CALD1: variants seen among roughly 807,000 people sequenced by gnomAD.
The protein encoded by CALD1 is caldesmon.
A neutral mutation model predicts 99.9 loss-of-function variants in CALD1; 33 were observed. The ratio of observed to expected loss-of-function variants is 0.33; its 90% CI spans 0.25 to 0.44. The LOEUF (loss-of-function observed/expected upper bound fraction) is 0.44. Among genes scored for constraint, CALD1 ranks in the 20% least tolerant of loss-of-function variants. The pLI, the probability that CALD1 is intolerant of heterozygous loss-of-function variation, is 1.00. For synonymous variants in CALD1, 310 were observed against 325.0 expected (o/e 0.95, Z 0.50); for missense variants, 861 against 962.1 (o/e 0.89, Z 1.39).
chr7:134,717,043 T>C, the CALD1 span, among the ~76,000 whole-genome samples: 1 of 152,234 alleles, frequency 6.6e-6, no homozygotes, highest in African/African-American at 2.4e-5. Context: ...GTCTATAATA[T>C]ATTTAATTTT....
upstream of CALD1, chr7:134,779,422 T>C: frequency 2.7e-6 from 1 of 367,378 alleles, no homozygotes; most frequent in Non-Finnish European, 4.8e-6. Flanking sequence ...TGATGAGTGA[T>C]TTCCTGAGCA....
At chr7:134,787,502 T>C (rs1429087478) in intron 1 of CALD1, among the ~76,000 whole-genome samples, 1 of 152,144 alleles carries the variant, frequency 6.6e-6, no homozygotes, top group East Asian at 1.9e-4. Context: ...GCACAAATCC[T>C]GAAGAGGGGA....
At chr7:134,726,329 T>C in the CALD1 span, among the ~76,000 whole-genome samples, 1 of 147,848 alleles carries the variant, frequency 6.8e-6, no homozygotes, top group Non-Finnish European at 1.5e-5. Context: ...TATATTAGCA[T>C]ATATAATCTT....
At chr7:134,759,137 A>T (rs1353813986) in intron 1 of CALD1, among the ~76,000 whole-genome samples, 1 of 152,244 alleles carries the variant, frequency 6.6e-6, no homozygotes, top group African/African-American at 2.4e-5. Context: ...TACTCAGAAC[A>T]AGTTAAACCT....
At chr7:134,832,010 CT>C (rs1563031150) in intron 1 of CALD1, among the ~76,000 whole-genome samples, 1 of 152,228 alleles carries the variant, frequency 6.6e-6, no homozygotes, top group Admixed American at 6.5e-5. Context: ...GATCCTAGGA[CT>C]TTTATAAGCC....
chr7:134,939,090 C>T (rs1159549225), intron 6 of CALD1, among the ~76,000 whole-genome samples: 1 of 152,186 alleles, frequency 6.6e-6, no homozygotes, highest in Non-Finnish European at 1.5e-5. Context: ...ACATAAACTC[C>T]AGTCCATGGT....
chr7:134,725,616 A>C, the CALD1 span, among the ~76,000 whole-genome samples: 1 of 152,220 alleles, frequency 6.6e-6, no homozygotes, highest in Non-Finnish European at 1.5e-5. Context: ...GAAAGGATCA[A>C]TTTATTTCCA....
chr7:134,935,606 C>A, intron 5 of CALD1, 82 bp from the exon 6 acceptor site: 2 of 1,517,562 alleles, frequency 1.3e-6, no homozygotes, highest in Non-Finnish European at 8.8e-7. Flanking sequence ...ACTTGCAAGG[C>A]GATCCGAGCA....
chr7:134,884,869 A>C (rs758379922), intron 3 of CALD1, among the ~76,000 whole-genome samples: 4 of 152,176 alleles, frequency 2.6e-5, no homozygotes, highest in Non-Finnish European at 5.9e-5. Context: ...GGTAAAAACA[A>C]GTATATACAC....
intron 3 of CALD1, among the ~76,000 whole-genome samples, chr7:134,923,353 TA>T (rs1466273129): frequency 6.6e-6 from 1 of 152,210 alleles, no homozygotes; most frequent in African/African-American, 2.4e-5. Context: ...CCAGTTTTTT[TA>T]AAAAATAGAT....
chr7:134,950,596 G>A, intron 9 of CALD1, 82 bp downstream of exon 9: 3 of 1,103,034 alleles, frequency 2.7e-6, no homozygotes, highest in Non-Finnish European at 4.0e-6. Context: ...GATTATACAG[G>A]GCCTTTGTTC....
At chr7:134,916,382 C>T (rs1311845800) in intron 3 of CALD1, among the ~76,000 whole-genome samples, 1 of 152,038 alleles carries the variant, frequency 6.6e-6, no homozygotes, top group African/African-American at 2.4e-5. Context: ...GGAAAGGAGC[C>T]CTGGGAAGGA....
intron 3 of CALD1, among the ~76,000 whole-genome samples, chr7:134,877,948 G>GATGCA (rs1801424734): frequency 2.0e-5 from 3 of 151,974 alleles, no homozygotes; most frequent in Admixed American, 6.6e-5. Context: ...TGCATACAAA[G>GATGCA]TAATCCTATG....
the CALD1 span, among the ~76,000 whole-genome samples, chr7:134,725,278 C>T: frequency 6.6e-6 from 1 of 152,210 alleles, no homozygotes; most frequent in Non-Finnish European, 1.5e-5. Context: ...AGTGATATCT[C>T]TCCTCAGGCC....
intron 3 of CALD1, among the ~76,000 whole-genome samples, chr7:134,875,917 G>A (rs1801328317): frequency 1.3e-5 from 2 of 152,200 alleles, no homozygotes; most frequent in African/African-American, 2.4e-5. Context: ...AAAGAAGGCT[G>A]TTGATATGAC....
intron 13 of CALD1, chr7:134,963,033 T>C (rs1346273398): frequency 7.6e-6 from 3 of 394,594 alleles, no homozygotes; most frequent in African/African-American, 2.1e-5. Context: ...TTAAGTGATC[T>C]TGAAAGATTC....
intron 3 of CALD1, among the ~76,000 whole-genome samples, chr7:134,903,300 G>C (rs1411159227): frequency 2.0e-5 from 3 of 152,060 alleles, no homozygotes; most frequent in African/African-American, 7.3e-5. Flanking sequence ...GACTTTGGGT[G>C]ATACTGATGT....
intron 1 of CALD1, among the ~76,000 whole-genome samples, chr7:134,753,043 A>C (rs1167969206): frequency 6.6e-6 from 1 of 151,958 alleles, no homozygotes; most frequent in Non-Finnish European, 1.5e-5. Flanking sequence ...CAAAAAAAAA[A>C]AACACTTTTC....
At chr7:134,952,702 C>A (rs1276748653) in intron 9 of CALD1, among the ~76,000 whole-genome samples, 2 of 152,106 alleles carry the variant, frequency 1.3e-5, no homozygotes, top group Non-Finnish European at 2.9e-5. Flanking sequence ...AACTCCTCAC[C>A]TCATGATCCG....
Sources: gnomAD v4.1 joint callset for allele counts (sites outside exome capture counted in the v4.1 genomes callset) on GRCh38, gnomAD v4.1.1 for gene constraint, MANE v1.5 for transcripts, NCBI Gene and HGNC (gene_info 2026-07-23, HGNC 2026-07-21) for gene names.